The following C4BPA variants were observed in gnomAD, a reference collection of about 807,000 sequenced individuals.
C4BPA encodes C4b-binding protein alpha chain.
C4BPA carries 31 observed loss-of-function variants against 63.7 expected under a neutral mutation model. The observed-to-expected ratio is 0.49, with a 90% confidence interval of 0.37 to 0.66. The LOEUF is 0.66. Among genes scored for constraint, C4BPA ranks in the 30% least tolerant of loss-of-function variants. The probability of loss-of-function intolerance (pLI) is 0.00; values close to 1 mark genes in which losing one functional copy is unlikely to be tolerated. For synonymous variants in C4BPA, 259 were observed against 254.7 expected (o/e 1.02, Z -0.16); for missense variants, 572 against 723.3 (o/e 0.79, Z 2.40).
At chr1:207,109,138 C>T (rs181151757) in intron 1 of C4BPA, among the ~76,000 whole-genome samples, 1 of 152,334 alleles carries the variant, frequency 6.6e-6, no homozygotes, top group African/African-American at 2.4e-5. Flanking sequence ...CCCAGCATTC[C>T]TCTGCTGTGC....
At chr1:207,113,396 C>G (rs1684711410) in intron 2 of C4BPA, among the ~76,000 whole-genome samples, 1 of 152,158 alleles carries the variant, frequency 6.6e-6, no homozygotes, top group Non-Finnish European at 1.5e-5. Flanking sequence ...AAGAATTTCT[C>G]TCCCAACCAT....
rs1685491136 is a variant in C4BPA, at chr1:207,144,548, C to A, written c.1625C>A (p.Thr542Asn). 1.2e-6 allele frequency: 2 copies of A among 1,605,806 alleles called. No homozygotes were observed. The highest frequency in any genetic ancestry group is 1.7e-6 in the Non-Finnish European group (2 of 1,176,948). ...CCCACCACTTATATCTTTTAGGAGA[C>A]CCCCGAAGGCTGTGAACAAGTGCTC... ...YPEVPKCEWE[T>N]PEGCEQVLTG... Residue 542 changes from threonine to asparagine, a missense_variant, in exon 12 of 12, where the codon ACC becomes AAC. Around this residue, in one of 2 missense-constraint regions of C4BPA, gnomAD observed 465 missense variants for 629.4 expected, o/e 0.74. Transcript: ENST00000367070.
intron 9 of C4BPA, 150 bp from the exon 10 acceptor site, chr1:207,140,956 A>G: frequency 1.8e-6 from 1 of 542,824 alleles, no homozygotes; most frequent in South Asian, 3.0e-5. Context: ...GGAGGAGAGC[A>G]GAAGTGTCTG....
chr1:207,134,265 A>C, intron 8 of C4BPA, 139 bp from the exon 9 acceptor site: 1 of 622,376 alleles, frequency 1.6e-6, no homozygotes, highest in Non-Finnish European at 2.8e-6. Context: ...GCAGACTTGG[A>C]GTGTCTTGGG....
chr1:207,125,998 T>C (rs1472846500), intron 6 of C4BPA, among the ~76,000 whole-genome samples: 1 of 152,008 alleles, frequency 6.6e-6, no homozygotes, highest in East Asian at 1.9e-4. Context: ...TCTGATCCCC[T>C]GGGCTGCCTC....
intron 2 of C4BPA, among the ~76,000 whole-genome samples, chr1:207,113,581 T>C (rs982564475): frequency 3.3e-5 from 5 of 152,144 alleles, no homozygotes; most frequent in Admixed American, 6.5e-5. Context: ...TGCTTCTTCC[T>C]CCATATCATT....
chr1:207,108,061 G>T (rs955349358), intron 1 of C4BPA, among the ~76,000 whole-genome samples: 2 of 152,148 alleles, frequency 1.3e-5, no homozygotes, highest in African/African-American at 4.8e-5. Context: ...TAAATTCAAG[G>T]TGCCTGGGAG....
At position 207,124,259 on chromosome 1, in the gene C4BPA, C is replaced by T. The variant is rs1345287939; in HGVS notation, c.599C>T (p.Thr200Ile). Residue 200 changes from threonine (T) to isoleucine (I), a missense_variant, in exon 6 of 12, where the codon ACC (threonine) becomes ATC (isoleucine). Around this residue, in one of 2 missense-constraint regions of C4BPA, gnomAD observed 465 missense variants for 629.4 expected, o/e 0.74. Transcript: ENST00000367070. The stretch of plus-strand genomic sequence containing the variant: ...TTCTACGCATACGGCTTTTCTGTCA[C>T]CTACAGCTGTGACCCCCGCTTCTCA... Reference protein sequence around the residue: ...ENFYAYGFSVTYSCDPRFSLL... With the variant: ...ENFYAYGFSVIYSCDPRFSLL... 4 of 1,613,904 alleles carry T rather than the reference C, an allele frequency of 2.5e-6. No homozygotes were observed. The highest frequency in any genetic ancestry group is 1.7e-5 in the Admixed American group (1 of 59,978).
intron 7 of C4BPA, 89 bp from the exon 8 acceptor site, chr1:207,131,457 A>AC (rs1199034520): frequency 3.5e-6 from 3 of 854,296 alleles, no homozygotes; most frequent in Middle Eastern, 2.9e-4. Flanking sequence ...TGAACGTATG[A>AC]CCCCCTTTGA....
intron 4 of C4BPA, among the ~76,000 whole-genome samples, chr1:207,122,636 C>T (rs11584146): frequency 3.2e-4 from 49 of 152,146 alleles, no homozygotes; most frequent in Non-Finnish European, 6.0e-4. Flanking sequence ...TGCAGTGGCA[C>T]GATCATAGCT....
chr1:207,115,612 T>C, intron 4 of C4BPA, 97 bp downstream of exon 4: 1 of 634,094 alleles, frequency 1.6e-6, no homozygotes. Context: ...TGTAAAAAGA[T>C]AGACGTTGAG....
chr1:207,119,017 G>GGA (rs1251641887), intron 4 of C4BPA, among the ~76,000 whole-genome samples: 1 of 115,532 alleles, frequency 8.7e-6, no homozygotes, highest in African/African-American at 2.7e-5. Context: ...GACATGAACT[G>GGA]AGTGCTTCAA....
intron 7 of C4BPA, among the ~76,000 whole-genome samples, chr1:207,129,392 G>GA (rs1487139338): frequency 9.5e-6 from 1 of 105,238 alleles, no homozygotes; most frequent in Non-Finnish European, 1.9e-5. Flanking sequence ...AAAAATGGCT[G>GA]AAAATATCAC....
chr1:207,112,822 T>C, intron 1 of C4BPA, 179 bp from the exon 2 acceptor site: 1 of 540,780 alleles, frequency 1.8e-6, no homozygotes, highest in Non-Finnish European at 3.1e-6. Context: ...GCTCACAGCT[T>C]CTGCAGAGGC....
At position 207,115,476 on chromosome 1, in the gene C4BPA, T is replaced by C; in HGVS notation, c.389T>C (p.Leu130Ser). Residue 130 changes from leucine to serine, a missense_variant, in exon 4 of 12, where the codon TTA becomes TCA. By Grantham distance (145) the Leu-to-Ser change is moderately radical. Transcript: ENST00000367070. The stretch of plus-strand genomic sequence containing the variant: ...GGGCAAGTAGAGATTAAGACAGATT[T>C]ATCTTTTGGATCACAAATAGAATTC... Reference protein sequence around the residue: ...RNGQVEIKTDLSFGSQIEFSC... With the variant: ...RNGQVEIKTDSSFGSQIEFSC... 1 of 1,597,518 alleles carries C rather than the reference T, an allele frequency of 6.3e-7. No homozygotes were observed. The highest frequency in any genetic ancestry group is 8.5e-7 in the Non-Finnish European group (1 of 1,174,352).
At chr1:207,117,245 T>C (rs1345032335) in intron 4 of C4BPA, among the ~76,000 whole-genome samples, 3 of 152,018 alleles carry the variant, frequency 2.0e-5, no homozygotes, top group South Asian at 4.2e-4. Flanking sequence ...AGTCCAGGAG[T>C]TCGAGACCAG....
chr1:207,141,272 T>C lies in C4BPA; in HGVS notation c.1440T>C (p.Cys480=). The C allele has an allele frequency of 2.5e-6, 4 of 1,612,042 alleles. No individual in the cohort carries two copies. Among genetic ancestry groups the C allele is most frequent in the Non-Finnish European group, 3.4e-6 (4 of 1,179,366 alleles). The change falls in exon 10 of 12, where the codon TGT becomes TGC. Residue 480 remains cysteine (C), a synonymous_variant. Transcript: ENST00000367070. ...ACTGGTCAGCTCCAGCCCCTCAATG[T>C]AAAGGTAACTCCAGCTTCCTTTTCA... is the stretch of plus-strand genomic sequence containing the variant. ...YSHWSAPAPQ[C]KALCRKPELV...
intron 10 of C4BPA, among the ~76,000 whole-genome samples, chr1:207,143,520 G>A (rs958457447): frequency 6.6e-6 from 1 of 152,138 alleles, no homozygotes; most frequent in African/African-American, 2.4e-5. Context: ...ATATGAAAAT[G>A]TTATTACTTT....
At chr1:207,123,471 A>G (rs115968136) in intron 4 of C4BPA, among the ~76,000 whole-genome samples, 1,755 of 152,324 alleles carry the variant, frequency 0.012, 24 homozygotes, top group African/African-American at 0.04. Flanking sequence ...AAAGAGTAGG[A>G]CATATCAAGA....
Sources: gnomAD v4.1 joint callset for allele counts (sites outside exome capture counted in the v4.1 genomes callset) on GRCh38, gnomAD v4.1.1 for gene constraint, gnomAD v4.1.1 regional missense constraint, MANE v1.5 for transcripts, NCBI Gene and HGNC (gene_info 2026-07-23, HGNC 2026-07-21) for gene names.